The following IK variants were observed in gnomAD, a reference collection of about 807,000 sequenced individuals.
IK encodes IK cytokine, also known as protein Red.
IK carries 47 observed loss-of-function variants against 90.9 expected under a neutral mutation model. The ratio of observed to expected loss-of-function variants is 0.52; its 90% CI spans 0.41 to 0.66. The LOEUF is 0.66. Ranked by LOEUF, IK falls within the 30% of genes least tolerant of loss-of-function variation. The pLI is 0.00. For missense variants in IK, 385 were observed against 709.3 expected, an observed-to-expected ratio of 0.54 and a Z score of 5.19; for synonymous variants, 201 against 227.5, an observed-to-expected ratio of 0.88 and a Z score of 1.05.
At chr5:140,652,827 G>A (rs748029024) in intron 4 of IK, 150 bp from the exon 5 acceptor site, 30 of 654,662 alleles carry the variant, frequency 4.6e-5, no homozygotes, top group Admixed American at 4.1e-4. Flanking sequence ...GAGTAACTAC[G>A]AAGAGGTGGC....
chr5:140,659,659 G>C (rs776634993), intron 13 of IK, 97 bp from the exon 14 acceptor site: 6 of 781,178 alleles, frequency 7.7e-6, no homozygotes, highest in Non-Finnish European at 1.3e-5. Context: ...TTAGACAAAA[G>C]GGTTCTATGC....
At chr5:140,648,102 G>A (rs1280045631) in intron 1 of IK, 178 bp downstream of exon 1, 1 of 778,896 alleles carries the variant, frequency 1.3e-6, no homozygotes. Context: ...AAGTGAGGCC[G>A]ACAGCTCCAA....
chr5:140,656,467 G>A (rs981047246), intron 9 of IK, among the ~76,000 whole-genome samples: 2 of 152,216 alleles, frequency 1.3e-5, no homozygotes, highest in African/African-American at 4.8e-5. Flanking sequence ...TTACAGGCAT[G>A]AGCCACTGCG....
chr5:140,661,525 G>A lies in IK; in HGVS notation c.1414-95G>A. The A allele has an allele frequency of 1.3e-6, 1 of 742,318 alleles. No homozygotes were observed. Among genetic ancestry groups the A allele is most frequent in the Middle Eastern group, 2.4e-4 (1 of 4,248 alleles). 46.0% of individuals were successfully genotyped at this position (742,318 alleles called of 1,614,324 possible). On this transcript the variant is annotated intron_variant, in intron 16 of 19. Coordinates refer to ENST00000417647, the MANE Select transcript of IK (RefSeq NM_006083.4). This position sits in a 1 kb window ranked among gnomAD's most constrained non-coding sequence, Gnocchi z 4.2. ...GTATGATTTATGAATTGTGGAACCT[G>A]GGATTATGGGAGAGTCTGGCTTCAA...
At chr5:140,651,974 A>G (rs1321921741) in intron 3 of IK, 114 bp from the exon 4 acceptor site, 3 of 894,030 alleles carry the variant, frequency 3.4e-6, no homozygotes, top group Non-Finnish European at 5.5e-6. Flanking sequence ...GCTTGATTGA[A>G]AGTGTTACTT....
chr5:140,648,602 G>A, intron 2 of IK, 65 bp downstream of exon 2: 33 of 1,438,818 alleles, frequency 2.3e-5, no homozygotes, highest in Non-Finnish European at 3.2e-5. Context: ...GGTGGTGATG[G>A]TGAAAGAATT....
chr5:140,657,095 C>G (rs985869383), intron 9 of IK, among the ~76,000 whole-genome samples: 1 of 152,096 alleles, frequency 6.6e-6, no homozygotes, highest in Non-Finnish European at 1.5e-5. Flanking sequence ...CCCAGTTACT[C>G]GGAAGGCTGA....
rs1202016560 is a variant in IK, at chr5:140,661,998, G to A, written c.1602G>A (p.Lys534=). The change falls in exon 18 of 20, where the codon AAG becomes AAA. Residue 534 remains lysine (K), a synonymous_variant. Coordinates refer to ENST00000417647, the MANE Select transcript of IK (RefSeq NM_006083.4). The surrounding 1 kb of genome is among the most constrained non-coding windows in gnomAD (Gnocchi z 4.2). ...DKAELDRQWK[K]ISAIIEKRKK... ...CAGAGCTTGATCGCCAGTGGAAGAA[G>A]ATTAGTGCAGTAAGTAGGATGGCCC... is the stretch of plus-strand genomic sequence containing the variant. The A allele has an allele frequency of 1.2e-6, 2 of 1,606,378 alleles. No individual in the cohort carries two copies. The highest frequency in any genetic ancestry group is 1.7e-6 in the Non-Finnish European group (2 of 1,176,108).
chr5:140,659,451 C>T, intron 13 of IK, 118 bp downstream of exon 13: 2 of 1,086,070 alleles, frequency 1.8e-6, no homozygotes, highest in South Asian at 1.3e-5. Flanking sequence ...CTTGTAAGAA[C>T]TGTGTCTTGC....
rs766916409 is a variant in IK, at chr5:140,648,444, T to A, written c.17-27T>A. On this transcript the variant is annotated intron_variant, in intron 1 of 19. Coordinates refer to ENST00000417647, the MANE Select transcript of IK (RefSeq NM_006083.4). The stretch of plus-strand genomic sequence containing the variant: ...AGGATCTGACACGTAAGAGACTGAT[T>A]AAATTAACGTCAATTTTTTTTGTCA... The A allele has an allele frequency of 2.2e-5, 36 of 1,612,138 alleles. 2 individuals carry two copies. In the South Asian group the frequency reaches 4.0e-4, roughly 18 times the overall value.
At chr5:140,659,997 C>T (rs1305884511) in intron 14 of IK, 118 bp from the exon 15 acceptor site, 47 of 968,804 alleles carry the variant, frequency 4.9e-5, no homozygotes, top group Non-Finnish European at 7.4e-5. Flanking sequence ...GCACCCATAA[C>T]AGCTCACAGC....
intron 1 of IK, 27 bp from the exon 2 acceptor site, chr5:140,648,444 T>C: frequency 6.2e-7 from 1 of 1,612,138 alleles, no homozygotes; most frequent in South Asian, 1.1e-5. Flanking sequence ...AGAGACTGAT[T>C]AAATTAACGT....
Position 140,648,674 on chromosome 5 carries a change from G to T in IK, c.83+137G>T, listed in dbSNP as rs1446989532. 2.4e-5 allele frequency: 20 copies of T among 839,428 alleles called. No individual in the cohort carries two copies. In the Admixed American group the frequency reaches 4.1e-4, roughly 17 times the overall value. The allele number at this position is 839,428 out of a possible 1,614,324, so 52.0% of individuals were successfully genotyped here. A position where few individuals can be genotyped will look rare whatever the true frequency, so the allele number is the denominator to read the frequency against. Reference sequence around the variant, plus strand: ...ACCCGCTGGCCCTTTATCTCTGTGAGCCTTAACTGGATCAGGCCAAGTGCA... The same window carrying T: ...ACCCGCTGGCCCTTTATCTCTGTGATCCTTAACTGGATCAGGCCAAGTGCA... On this transcript the variant is annotated intron_variant, in intron 2 of 19. Transcript: ENST00000417647.
Position 140,660,113 on chromosome 5 carries a change from A to AT in IK, c.1275-1dup, listed in dbSNP as rs1757775947. On this transcript the variant is annotated splice_acceptor_variant, in intron 14 of 19. Transcript: ENST00000417647. LOFTEE classifies it high-confidence loss of function. ...TGTAGTGTTTTCTTTAACATAGCAT[A>AT]TGCTGAAGAAGCCAGAAGACAAAAA... is the stretch of plus-strand genomic sequence containing the variant. 10 of 1,613,054 alleles carry AT rather than the reference A, an allele frequency of 6.2e-6. No homozygotes were observed. Among genetic ancestry groups the AT allele is most frequent in the Non-Finnish European group, 8.5e-6 (10 of 1,179,134 alleles).
intron 16 of IK, 36 bp downstream of exon 16, chr5:140,660,851 A>C: frequency 6.5e-7 from 1 of 1,546,928 alleles, no homozygotes; most frequent in Non-Finnish European, 8.9e-7. Flanking sequence ...GCCTTTGGGC[A>C]GTTATTATTT....
chr5:140,661,600 C>G lies in IK; in HGVS notation c.1414-20C>G. The G allele has an allele frequency of 6.4e-7, 1 of 1,569,140 alleles. No homozygotes were observed. Among genetic ancestry groups the G allele is most frequent in the Non-Finnish European group, 8.7e-7 (1 of 1,149,068 alleles). On this transcript the variant is annotated intron_variant, in intron 16 of 19. Transcript: ENST00000417647. The surrounding 1 kb of genome is among the most constrained non-coding windows in gnomAD (Gnocchi z 4.2). ...CTGACATCTCTTCCTTCCCCATCCC[C>G]CGATTCTGTCCTGCAACAGGGTAAC...
At chr5:140,648,252 T>G (rs1490502773) in intron 1 of IK, 2 of 705,320 alleles carry the variant, frequency 2.8e-6, no homozygotes, top group African/African-American at 3.5e-5. Flanking sequence ...AGACGTGATC[T>G]TCCGGAAGTC....
At position 140,653,923 on chromosome 5, in the gene IK, T is replaced by C. The variant is rs1757661813; in HGVS notation, c.405-15T>C. 1 of 1,540,486 alleles carries C rather than the reference T, an allele frequency of 6.5e-7. No individual in the cohort carries two copies. Among genetic ancestry groups the C allele is most frequent in the Non-Finnish European group, 9.0e-7 (1 of 1,115,806 alleles). On this transcript the variant is annotated splice_polypyrimidine_tract_variant and intron_variant, in intron 5 of 19. Transcript: ENST00000417647. ...TGGACAGTACTGTTCTTATGTGGCC[T>C]CTTTCATTATACAGGGACAAATCAG...
In IK at chr5:140,656,025, T is replaced by A. The variant is rs1290183209; in HGVS notation, c.801+33T>A. The A allele has an allele frequency of 5.2e-6, 8 of 1,548,254 alleles. No individual in the cohort carries two copies. In the East Asian group the frequency reaches 1.2e-4, roughly 24 times the overall value. On this transcript the variant is annotated intron_variant, in intron 9 of 19. Coordinates refer to ENST00000417647, the MANE Select transcript of IK (RefSeq NM_006083.4). The stretch of plus-strand genomic sequence containing the variant: ...AATGGAATCCTGAGAGCCTATCATG[T>A]GAGCCTCAAGCCTGGGAATCAGCCT...
Sources: allele counts gnomAD v4.1 joint callset (sites outside exome capture counted in the v4.1 genomes callset), GRCh38; gene constraint gnomAD v4.1.1; non-coding constraint Gnocchi (gnomAD v3.1); transcripts MANE v1.5; gene names NCBI Gene and HGNC (gene_info 2026-07-23, HGNC 2026-07-21).